Variants in MERTK observed in about 807,000 individuals in gnomAD.
The protein encoded by MERTK is tyrosine-protein kinase Mer.
Under a neutral mutation model 99.3 loss-of-function variants are expected in MERTK, and 69 were observed. That is an observed-to-expected ratio of 0.70 (90% CI 0.57 to 0.85). The LOEUF is 0.85. MERTK is among the 40% of genes least tolerant of loss of function. The pLI is 0.00. For synonymous variants in MERTK, 426 were observed against 467.6 expected, an observed-to-expected ratio of 0.91 and a Z score of 1.15; for missense variants, 1,125 against 1,249.4, an observed-to-expected ratio of 0.90 and a Z score of 1.50.
At chr2:112,023,798 A>G (rs1677407926) in intron 18 of MERTK, among the ~76,000 whole-genome samples, 1 of 152,100 alleles carries the variant, frequency 6.6e-6, no homozygotes, top group South Asian at 2.1e-4. Context: ...TTTAGCAAGA[A>G]CATTTCAGGA....
In MERTK at chr2:111,997,319, C is replaced by A. The variant is rs759471227; in HGVS notation, c.1451-4C>A. On this transcript the variant is annotated splice_region_variant and splice_polypyrimidine_tract_variant and intron_variant, in intron 9 of 18. Transcript: ENST00000295408. ...CCATGACTGGTCTATTGGTATCTCA[C>A]CAGGTTGGGTAGATTATGCCCCCTC... The A allele has an allele frequency of 6.2e-7, 1 of 1,614,002 alleles. No homozygotes were observed. The highest frequency in any genetic ancestry group is 1.1e-5 in the South Asian group (1 of 91,084).
Position 112,004,767 on chromosome 2 carries a change from G to A in MERTK, c.1867+783G>A, listed in dbSNP as rs191523475. Among the ~76,000 whole-genome samples, 4 of 152,088 alleles carry A rather than the reference G, an allele frequency of 2.6e-5. No homozygotes were observed. The East Asian group carries it at 7.8e-4, about 30-fold the overall frequency. ...TCCACTAAAAATACAAAAATTAGCC[G>A]GGCGTGGTGACACACACCTGTAATC... On this transcript the variant is annotated intron_variant, in intron 13 of 18. Transcript: ENST00000295408.
chr2:111,998,041 G>A (rs554020348), intron 10 of MERTK, among the ~76,000 whole-genome samples: 1 of 152,300 alleles, frequency 6.6e-6, no homozygotes, highest in Non-Finnish European at 1.5e-5. Context: ...ATACTTTGGA[G>A]GGGGCTGAGC....
At chr2:111,935,977 C>T (rs1187883326) in intron 2 of MERTK, among the ~76,000 whole-genome samples, 3 of 151,836 alleles carry the variant, frequency 2.0e-5, no homozygotes, top group South Asian at 2.1e-4. Flanking sequence ...AGTGCAGTGG[C>T]GTAATCTCAG....
At chr2:111,978,436 C>T (rs1676298754) in intron 7 of MERTK, among the ~76,000 whole-genome samples, 1 of 150,088 alleles carries the variant, frequency 6.7e-6, no homozygotes, top group Non-Finnish European at 1.5e-5. Flanking sequence ...TGAGCCACCA[C>T]ACCCAGCATG....
chr2:111,987,120 C>T (rs1478508750), intron 8 of MERTK, among the ~76,000 whole-genome samples: 1 of 152,176 alleles, frequency 6.6e-6, no homozygotes, highest in Non-Finnish European at 1.5e-5. Context: ...CTTCCTTATG[C>T]AGGACAGAGC....
chr2:111,929,793 G>A (rs372330161), intron 2 of MERTK, among the ~76,000 whole-genome samples: 8 of 150,028 alleles, frequency 5.3e-5, no homozygotes, highest in African/African-American at 2.0e-4. Flanking sequence ...TAGAGATGAG[G>A]TTTCACCATG....
intron 8 of MERTK, among the ~76,000 whole-genome samples, chr2:111,992,357 C>T (rs1291953105): frequency 6.8e-6 from 1 of 146,074 alleles, no homozygotes; most frequent in Non-Finnish European, 1.5e-5. Flanking sequence ...GTGGAGGTTT[C>T]CAGAGGGTGG....
chr2:111,940,389 C>G, intron 2 of MERTK: 1 of 529,084 alleles, frequency 1.9e-6, no homozygotes, highest in Non-Finnish European at 3.8e-6. Context: ...TAATTTTTGT[C>G]TGTAGCTGTC....
intron 1 of MERTK, among the ~76,000 whole-genome samples, chr2:111,917,449 G>A (rs910214766): frequency 5.5e-4 from 84 of 152,270 alleles, no homozygotes; most frequent in African/African-American, 1.9e-3. Flanking sequence ...TGTCTGGCTG[G>A]GCTGCCCCTT....
chr2:111,991,664 T>G (rs1180764408), intron 8 of MERTK, among the ~76,000 whole-genome samples: 2 of 152,062 alleles, frequency 1.3e-5, no homozygotes, highest in Non-Finnish European at 2.9e-5. Context: ...AAAACCAACA[T>G]TCTTAACGGT....
At chr2:111,933,908 C>G (rs1684720239) in intron 2 of MERTK, among the ~76,000 whole-genome samples, 1 of 127,288 alleles carries the variant, frequency 7.9e-6, no homozygotes, top group Non-Finnish European at 1.6e-5. Context: ...TGTGAAAGTT[C>G]CCTTCCCTGT....
intron 1 of MERTK, among the ~76,000 whole-genome samples, chr2:111,902,356 G>A (rs1419551766): frequency 6.6e-6 from 1 of 152,202 alleles, no homozygotes; most frequent in African/African-American, 2.4e-5. Flanking sequence ...ACACACATGT[G>A]AAACAGTCGC....
intron 6 of MERTK, among the ~76,000 whole-genome samples, chr2:111,974,769 C>CAA (rs35594851): frequency 0.057 from 2,994 of 52,482 alleles, 274 homozygotes; most frequent in African/African-American, 0.12. Flanking sequence ...AGGTCCATCT[C>CAA]AAAAAAAAAA....
Position 111,898,669 on chromosome 2 carries a change from C to T in MERTK, c.-67C>T. On this transcript the variant is annotated 5_prime_UTR_variant, in exon 1 of 19. Transcript: ENST00000295408. ...CTTCGCTGGCGCGCTTGGCCGGCGA[C>T]AGGACAGGTTCGGGACGTCCATCTG... The T allele has an allele frequency of 6.5e-7, 1 of 1,548,702 alleles. No individual in the cohort carries two copies. Among genetic ancestry groups the T allele is most frequent in the Non-Finnish European group, 8.8e-7 (1 of 1,139,536 alleles).
chr2:111,979,756 C>A (rs1477394613), intron 7 of MERTK, among the ~76,000 whole-genome samples: 2 of 151,866 alleles, frequency 1.3e-5, no homozygotes, highest in Admixed American at 6.6e-5. Context: ...AAGTTTTTTT[C>A]ATTGAAAATT....
At chr2:111,950,891 T>G (rs988834258) in intron 4 of MERTK, among the ~76,000 whole-genome samples, 3 of 152,222 alleles carry the variant, frequency 2.0e-5, no homozygotes, top group African/African-American at 7.2e-5. Flanking sequence ...AGCCTTCCAA[T>G]CAATGAATAC....
chr2:111,910,516 C>T (rs1414843419), intron 1 of MERTK, among the ~76,000 whole-genome samples: 2 of 151,750 alleles, frequency 1.3e-5, no homozygotes, highest in African/African-American at 2.4e-5. Flanking sequence ...GTGATCCACC[C>T]GCCTCAGTCT....
intron 6 of MERTK, among the ~76,000 whole-genome samples, chr2:111,973,900 T>C (rs1397362228): frequency 6.8e-6 from 1 of 147,872 alleles, no homozygotes; most frequent in Non-Finnish European, 1.5e-5. Flanking sequence ...GGTGGAGTTA[T>C]GGAGGGAAAG....
Sources: gnomAD v4.1 joint callset for allele counts (sites outside exome capture counted in the v4.1 genomes callset) on GRCh38, gnomAD v4.1.1 for gene constraint, MANE v1.5 for transcripts, NCBI Gene and HGNC (gene_info 2026-07-23, HGNC 2026-07-21) for gene names.